The following PTPDC1 variants were observed in gnomAD, a reference collection of about 807,000 sequenced individuals.
The protein encoded by PTPDC1 is protein tyrosine phosphatase domain-containing protein 1.
PTPDC1 carries 53 observed loss-of-function variants against 75.3 expected under a neutral mutation model. That is an observed-to-expected ratio of 0.70 (90% CI 0.56 to 0.88). The LOEUF (loss-of-function observed/expected upper bound fraction) is 0.88, where lower values mean the gene tolerates loss of function less well. Among genes scored for constraint, PTPDC1 ranks in the 40% least tolerant of loss-of-function variants. PTPDC1 has a pLI of 0.00. For synonymous variants in PTPDC1, 349 were observed against 366.2 expected (o/e 0.95, Z 0.54); for missense variants, 925 against 998.6 (o/e 0.93, Z 0.99).
chr9:94,104,462 C>T (rs929700802), intron 8 of PTPDC1, 77 bp downstream of exon 8: 14 of 894,260 alleles, frequency 1.6e-5, no homozygotes, highest in East Asian at 5.1e-5. Context: ...CAGAGGTCAC[C>T]GTCCTCCTCT....
chr9:94,037,458 GTACT>G (rs1335758864), intron 1 of PTPDC1, among the ~76,000 whole-genome samples: 1 of 151,930 alleles, frequency 6.6e-6, no homozygotes, highest in Non-Finnish European at 1.5e-5. Context: ...TTTTATATGT[GTACT>G]TATTTTATAT....
intron 1 of PTPDC1, among the ~76,000 whole-genome samples, chr9:94,062,246 G>T (rs1826165506): frequency 6.6e-6 from 1 of 152,168 alleles, no homozygotes; most frequent in African/African-American, 2.4e-5. Context: ...TGTTGCTCCA[G>T]TTCCCAGTAA....
chr9:94,062,951 C>T (rs1234267651), intron 1 of PTPDC1, among the ~76,000 whole-genome samples: 1 of 152,182 alleles, frequency 6.6e-6, no homozygotes, highest in Non-Finnish European at 1.5e-5. Context: ...CTGGCTTTTC[C>T]ATTCTCTAGA....
intron 1 of PTPDC1, among the ~76,000 whole-genome samples, chr9:94,046,924 C>A (rs1024905201): frequency 3.3e-5 from 5 of 152,142 alleles, no homozygotes; most frequent in South Asian, 4.2e-4. Flanking sequence ...GTCTTGTGCC[C>A]GTTTTCAAAG....
At chr9:94,068,930 T>C (rs978153408) in intron 2 of PTPDC1, among the ~76,000 whole-genome samples, 2 of 152,210 alleles carry the variant, frequency 1.3e-5, no homozygotes, top group African/African-American at 4.8e-5. Flanking sequence ...GATGCTTCAG[T>C]TTCCCCATAT....
intron 2 of PTPDC1, among the ~76,000 whole-genome samples, chr9:94,072,522 A>AT (rs149641618): frequency 0.045 from 6,768 of 149,498 alleles, 508 homozygotes; most frequent in African/African-American, 0.16. Context: ...ATATGCTGTT[A>AT]TTTTTTTTTT....
chr9:94,044,392 A>G (rs1440411545), intron 1 of PTPDC1, among the ~76,000 whole-genome samples: 1 of 152,172 alleles, frequency 6.6e-6, no homozygotes, highest in Non-Finnish European at 1.5e-5. Context: ...TTTGCTGCAC[A>G]GATCAACCCA....
chr9:94,093,453 C>T (rs1450196308), intron 4 of PTPDC1, among the ~76,000 whole-genome samples: 5 of 146,264 alleles, frequency 3.4e-5, no homozygotes, highest in South Asian at 2.2e-4. Flanking sequence ...CCGAGAGATC[C>T]GCTGTTAGTC....
intron 1 of PTPDC1, among the ~76,000 whole-genome samples, chr9:94,056,983 G>A (rs1041678302): frequency 2.6e-5 from 4 of 152,186 alleles, no homozygotes; most frequent in African/African-American, 9.7e-5. Flanking sequence ...AAATGACAGG[G>A]TTATTATTCA....
At chr9:94,077,643 C>T (rs1826739108) in intron 2 of PTPDC1, among the ~76,000 whole-genome samples, 1 of 152,198 alleles carries the variant, frequency 6.6e-6, no homozygotes. Context: ...TGCCACCCTC[C>T]AGCAACCTCC....
At chr9:94,053,832 G>T (rs1276781498) in intron 1 of PTPDC1, among the ~76,000 whole-genome samples, 1 of 152,208 alleles carries the variant, frequency 6.6e-6, no homozygotes, top group Non-Finnish European at 1.5e-5. Context: ...GCTATTTCTT[G>T]TGTTTGTGTA....
At chr9:94,071,880 C>G (rs1587870152) in intron 2 of PTPDC1, among the ~76,000 whole-genome samples, 1 of 152,148 alleles carries the variant, frequency 6.6e-6, no homozygotes, top group Admixed American at 6.5e-5. Context: ...TCACGTTTCT[C>G]TTTTTTTATA....
intron 2 of PTPDC1, among the ~76,000 whole-genome samples, chr9:94,086,389 C>A (rs778450710): frequency 7.2e-5 from 11 of 152,158 alleles, no homozygotes; most frequent in African/African-American, 1.4e-4. Context: ...TCTTTTTCAC[C>A]TCTGCTGCTT....
At chr9:94,090,850 T>C (rs1189101427) in intron 4 of PTPDC1, among the ~76,000 whole-genome samples, 1 of 142,112 alleles carries the variant, frequency 7.0e-6, no homozygotes, top group Admixed American at 7.2e-5. Flanking sequence ...CAATTGTGAA[T>C]GGGAGTTCAC....
At chr9:94,052,249 G>A (rs956087470) in intron 1 of PTPDC1, among the ~76,000 whole-genome samples, 9 of 152,068 alleles carry the variant, frequency 5.9e-5, no homozygotes, top group African/African-American at 2.2e-4. Context: ...GAAGTGTGTT[G>A]GGTATTTTTC....
At chr9:94,094,251 G>T (rs1324550365) in intron 4 of PTPDC1, among the ~76,000 whole-genome samples, 1 of 151,690 alleles carries the variant, frequency 6.6e-6, no homozygotes, top group African/African-American at 2.4e-5. Context: ...ATGTACAGAT[G>T]GGTTTTTGGT....
chr9:94,077,377 T>C (rs142563746), intron 2 of PTPDC1, among the ~76,000 whole-genome samples: 2 of 152,278 alleles, frequency 1.3e-5, no homozygotes, highest in East Asian at 1.9e-4. Flanking sequence ...CTAAGTCTTA[T>C]AAGATTGCCT....
At position 94,037,101 on chromosome 9, in the gene PTPDC1, A is replaced by G. The variant is rs7039667; in HGVS notation, c.-7+5974A>G. On this transcript the variant is annotated intron_variant, in intron 1 of 9. Coordinates refer to the PTPDC1 transcript ENST00000375360. ...TTAGCTTTCATGGAAATATTTTCTC[A>G]TTTAGAATCTTGCCTTTGCAGTCAA... 3.4e-3 allele frequency among the ~76,000 whole-genome samples: 519 copies of G among 152,334 alleles called. 4 individuals carry two copies. Among genetic ancestry groups the G allele is most frequent in the African/African-American group, 0.012 (496 of 41,578 alleles).
chr9:94,063,938 ATCAT>A (rs1380891490), intron 1 of PTPDC1, among the ~76,000 whole-genome samples: 3 of 152,192 alleles, frequency 2.0e-5, no homozygotes, highest in Admixed American at 6.5e-5. Flanking sequence ...AATTATTAAA[ATCAT>A]TATTTAGAAA....
Sources: gnomAD v4.1 joint callset for allele counts (sites outside exome capture counted in the v4.1 genomes callset) on GRCh38, gnomAD v4.1.1 for gene constraint, MANE v1.5 for transcripts, NCBI Gene and HGNC (gene_info 2026-07-23, HGNC 2026-07-21) for gene names.